The following NAV3 variants were observed in gnomAD, a reference collection of about 807,000 sequenced individuals.
The protein encoded by NAV3 is pore membrane and/or filament interacting like protein 1.
NAV3 carries 87 observed loss-of-function variants against 244.7 expected under a neutral mutation model. The ratio of observed to expected loss-of-function variants is 0.36; its 90% CI spans 0.30 to 0.42. The LOEUF is 0.42. Ranked by LOEUF, NAV3 falls within the 20% of genes least tolerant of loss-of-function variation. The pLI, the probability that NAV3 is intolerant of heterozygous loss-of-function variation, is 1.00. For synonymous variants in NAV3, 1,126 were observed against 1,042.2 expected (o/e 1.08, Z -1.55); for missense variants, 2,663 against 2,893.3 (o/e 0.92, Z 1.83).
At chr12:77,772,378 C>T (rs1219918575) in intron 2 of NAV3, among the ~76,000 whole-genome samples, 1 of 152,110 alleles carries the variant, frequency 6.6e-6, no homozygotes, top group African/African-American at 2.4e-5. Flanking sequence ...AAAGCAATGA[C>T]TTGCCATCAA....
chr12:77,999,361 G>T (rs1269530797), intron 7 of NAV3, among the ~76,000 whole-genome samples: 1 of 152,196 alleles, frequency 6.6e-6, no homozygotes, highest in Admixed American at 6.5e-5. Flanking sequence ...ATTAAAAAGT[G>T]GCACAAATGT....
intron 9 of NAV3, among the ~76,000 whole-genome samples, chr12:78,044,089 T>C (rs1462147290): frequency 1.3e-5 from 2 of 152,212 alleles, no homozygotes; most frequent in African/African-American, 2.4e-5. Context: ...CTTTAATCCA[T>C]CTTGAGTTAA....
intron 1 of NAV3, among the ~76,000 whole-genome samples, chr12:77,888,034 T>TTTTC (rs59547831): frequency 6.6e-6 from 1 of 151,738 alleles, no homozygotes; most frequent in Non-Finnish European, 1.5e-5. Context: ...GTTTTTTTTT[T>TTTTC]CTGGAATGAA....
intron 1 of NAV3, among the ~76,000 whole-genome samples, chr12:77,896,372 A>G (rs532712474): frequency 1.3e-5 from 2 of 152,352 alleles, no homozygotes; most frequent in East Asian, 1.9e-4. Context: ...GATGTGTTTT[A>G]CATTAGAGAT....
At chr12:77,707,054 T>C (rs1223612074) in intron 2 of NAV3, among the ~76,000 whole-genome samples, 6 of 143,120 alleles carry the variant, frequency 4.2e-5, no homozygotes, top group Non-Finnish European at 7.5e-5. Flanking sequence ...CTACCTTTTT[T>C]TTCTTTCTTT....
chr12:77,669,015 A>G (rs904623732), intron 2 of NAV3, among the ~76,000 whole-genome samples: 2 of 152,222 alleles, frequency 1.3e-5, no homozygotes, highest in African/African-American at 4.8e-5. Flanking sequence ...AAACGAAACA[A>G]TTATCAGCCA....
intron 1 of NAV3, among the ~76,000 whole-genome samples, chr12:77,832,427 T>C (rs1464419369): frequency 1.3e-5 from 2 of 152,198 alleles, no homozygotes; most frequent in South Asian, 2.1e-4. Context: ...GCGGATTCAT[T>C]TGTACCTTGA....
At chr12:78,205,166 A>T in intron 39 of NAV3, 28 bp downstream of exon 39, 1 of 1,600,688 alleles carries the variant, frequency 6.2e-7, no homozygotes, top group Non-Finnish European at 8.5e-7. Flanking sequence ...ATTTCTTCCT[A>T]TGTAATCTTG....
At chr12:77,774,769 G>C (rs1231251377) in intron 2 of NAV3, among the ~76,000 whole-genome samples, 1 of 152,016 alleles carries the variant, frequency 6.6e-6, no homozygotes, top group Non-Finnish European at 1.5e-5. Context: ...ACATGGGCTG[G>C]CGAAAGACTA....
intron 2 of NAV3, among the ~76,000 whole-genome samples, chr12:77,595,452 C>T (rs1870123828): frequency 6.6e-6 from 1 of 151,966 alleles, no homozygotes; most frequent in African/African-American, 2.4e-5. Context: ...ATGAGTAAGC[C>T]TAGAGACCAA....
At chr12:78,008,835 T>C (rs1423424419) in intron 8 of NAV3, among the ~76,000 whole-genome samples, 1 of 152,160 alleles carries the variant, frequency 6.6e-6, no homozygotes, top group Non-Finnish European at 1.5e-5. Context: ...GATGGGAGTC[T>C]GCAGCTCCTT....
At chr12:78,008,594 A>C (rs1057380913) in intron 8 of NAV3, among the ~76,000 whole-genome samples, 1 of 152,178 alleles carries the variant, frequency 6.6e-6, no homozygotes, top group African/African-American at 2.4e-5. Context: ...ATATAGTTTA[A>C]AATTTTATTA....
At chr12:77,952,661 T>C (rs912355822) in intron 3 of NAV3, among the ~76,000 whole-genome samples, 1 of 152,264 alleles carries the variant, frequency 6.6e-6, no homozygotes, top group Non-Finnish European at 1.5e-5. Flanking sequence ...TGGATTTTGA[T>C]TGAGATTGCT....
At chr12:78,179,438 G>A in intron 28 of NAV3, 91 bp from the exon 29 acceptor site, 1 of 1,476,398 alleles carries the variant, frequency 6.8e-7, no homozygotes, top group Non-Finnish European at 9.3e-7. Flanking sequence ...ACCTGCTGGA[G>A]AATATTGCAG....
chr12:77,991,344 C>T (rs1871408598), intron 5 of NAV3, among the ~76,000 whole-genome samples: 1 of 151,852 alleles, frequency 6.6e-6, no homozygotes, highest in Admixed American at 6.6e-5. Flanking sequence ...TTTTAAGAGA[C>T]AAGAGTAGGC....
At chr12:77,658,910 A>G (rs1873275770) in intron 2 of NAV3, among the ~76,000 whole-genome samples, 1 of 152,246 alleles carries the variant, frequency 6.6e-6, no homozygotes, top group Non-Finnish European at 1.5e-5. Context: ...ATCCATATGT[A>G]GAAAGCTGAA....
rs1459350323 is a variant in NAV3 at position 78,190,023 on chromosome 12, C to T, written c.6095C>T (p.Thr2032Met). The T allele has an allele frequency of 4.3e-6, 7 of 1,612,774 alleles. No individual in the cohort carries two copies. Among genetic ancestry groups the T allele is most frequent in the Non-Finnish European group, 5.1e-6 (6 of 1,179,328 alleles). The stretch of plus-strand genomic sequence containing the variant: ...AGTTTGGACAGTTTTGTTTTTGATA[C>T]GCTGATTCCTAAACCAATTACCCAA... ...ENSLDSFVFD[T>M]LIPKPITQRY... Residue 2032 changes from threonine (T) to methionine (M), a missense_variant, in exon 34 of 40, where the codon ACG becomes ATG. Physicochemically the swap from Thr to Met is moderately conservative, Grantham distance 81. Around this residue, in one of 6 missense-constraint regions of NAV3, gnomAD observed 543 missense variants for 672.4 expected, o/e 0.81. Coordinates refer to ENST00000397909, the MANE Select transcript of NAV3 (RefSeq NM_001024383.2).
At chr12:77,675,653 G>T (rs1874171897) in intron 2 of NAV3, among the ~76,000 whole-genome samples, 1 of 152,056 alleles carries the variant, frequency 6.6e-6, no homozygotes, top group Non-Finnish European at 1.5e-5. Context: ...ATCCTCTTAG[G>T]TAAACATCAG....
chr12:77,998,260 T>C, intron 6 of NAV3, 77 bp from the exon 7 acceptor site: 1 of 1,094,220 alleles, frequency 9.1e-7, no homozygotes, highest in Non-Finnish European at 1.2e-6. Flanking sequence ...GTTGTAAATT[T>C]CTGACTTTCA....
Sources: allele counts gnomAD v4.1 joint callset (sites outside exome capture counted in the v4.1 genomes callset), GRCh38; gene constraint gnomAD v4.1.1; regional missense constraint gnomAD v4.1.1; transcripts MANE v1.5; gene names NCBI Gene and HGNC (gene_info 2026-07-23, HGNC 2026-07-21).